CD2AP: variants seen among roughly 807,000 people sequenced by gnomAD.
CD2AP encodes CD2-associated protein.
CD2AP carries 46 observed loss-of-function variants against 85.1 expected under a neutral mutation model. That is an observed-to-expected ratio of 0.54 (90% CI 0.43 to 0.69). The LOEUF is 0.69. Ranked by LOEUF, CD2AP falls within the 30% of genes least tolerant of loss-of-function variation. The pLI is 0.00. For synonymous variants in CD2AP, 255 were observed against 252.9 expected (o/e 1.01, Z -0.08); for missense variants, 769 against 729.5 (o/e 1.05, Z -0.62).
At chr6:47,601,605 C>A (rs1025497037) in intron 13 of CD2AP, among the ~76,000 whole-genome samples, 1 of 151,958 alleles carries the variant, frequency 6.6e-6, no homozygotes, top group Non-Finnish European at 1.5e-5. Context: ...AGCATTAATT[C>A]AGAGATTCCT....
At chr6:47,504,486 A>C (rs1166910654) in intron 2 of CD2AP, among the ~76,000 whole-genome samples, 4 of 152,244 alleles carry the variant, frequency 2.6e-5, no homozygotes, top group African/African-American at 9.6e-5. Context: ...CTGTTATATA[A>C]AATGGCATAG....
chr6:47,582,034 G>T lies in CD2AP; in HGVS notation c.1077G>T (p.Lys359Asn). The change falls in exon 11 of 18, where the codon AAG becomes AAT. Residue 359 changes from lysine (K) to asparagine (N), a missense_variant. Physicochemically the swap from Lys to Asn is moderately conservative, Grantham distance 94. Coordinates refer to ENST00000359314, the MANE Select transcript of CD2AP (RefSeq NM_012120.3). ...APKPELIAAEKKYFSLKPEEK... is the reference protein window; with the variant it reads ...APKPELIAAENKYFSLKPEEK... ...AGCCTGAACTGATAGCTGCAGAGAA[G>T]AAATATTTTTCTTTAAAGCCTGAAG... is the stretch of plus-strand genomic sequence containing the variant. 6.2e-7 allele frequency: 1 copy of T among 1,608,608 alleles called. No homozygotes were observed. The highest frequency in any genetic ancestry group is 8.5e-7 in the Non-Finnish European group (1 of 1,175,252).
At chr6:47,612,751 A>G (rs1769482591) in intron 17 of CD2AP, among the ~76,000 whole-genome samples, 1 of 152,190 alleles carries the variant, frequency 6.6e-6, no homozygotes, top group Non-Finnish European at 1.5e-5. Context: ...TAAGCCAGGC[A>G]CAGAAAGAGA....
chr6:47,560,563 G>C (rs940203367), intron 5 of CD2AP, among the ~76,000 whole-genome samples: 18 of 151,838 alleles, frequency 1.2e-4, no homozygotes, highest in African/African-American at 4.4e-4. Context: ...TTGTTTGTTT[G>C]TTTGTCTTTT....
At chr6:47,623,726 CCAAGT>C (rs1376262920) in intron 17 of CD2AP, among the ~76,000 whole-genome samples, 4 of 151,954 alleles carry the variant, frequency 2.6e-5, no homozygotes, top group Non-Finnish European at 5.9e-5. Context: ...TAAATTGAAA[CCAAGT>C]CAAGTGATTT....
intron 17 of CD2AP, among the ~76,000 whole-genome samples, chr6:47,615,106 C>T (rs1466281863): frequency 6.6e-6 from 1 of 151,960 alleles, no homozygotes; most frequent in Non-Finnish European, 1.5e-5. Flanking sequence ...GATTACTTAC[C>T]CTATTTCTTT....
At position 47,553,513 on chromosome 6, in the gene CD2AP, ATTTTTTTTTT is replaced by A. The variant is rs148273065; in HGVS notation, c.421-1118_421-1109del. ...AGGTGTGCACCACCACACCTAGTGAATTTTTTTTTTTTTTTTTTTTTTTTGTATTTTTAGT... is the reference window on the plus strand; with the variant it reads ...AGGTGTGCACCACCACACCTAGTGAATTTTTTTTTTTTTTGTATTTTTAGT... On this transcript the variant is annotated intron_variant, in intron 4 of 17. Coordinates refer to ENST00000359314, the MANE Select transcript of CD2AP (RefSeq NM_012120.3). 5.2e-3 allele frequency among the ~76,000 whole-genome samples: 571 copies of A among 110,536 alleles called. 2 individuals carry two copies. The highest frequency in any genetic ancestry group is 0.019 in the African/African-American group (519 of 27,524). 72.5% of individuals were successfully genotyped at this position (110,536 alleles called of 152,430 possible).
Position 47,477,977 on chromosome 6 carries a change from G to C in CD2AP, c.-268G>C. 1 of 561,604 alleles carries C rather than the reference G, an allele frequency of 1.8e-6. No individual in the cohort carries two copies. The highest frequency in any genetic ancestry group is 3.2e-6 in the Non-Finnish European group (1 of 316,500). The allele number at this position is 561,604 out of a possible 1,614,324, so 34.8% of individuals were successfully genotyped here. On this transcript the variant is annotated 5_prime_UTR_variant, in exon 1 of 18. Coordinates refer to ENST00000359314, the MANE Select transcript of CD2AP (RefSeq NM_012120.3). ...GGGAAAACCGCGGTCGGGCGGGCGGGGTAGGGCCCTCCCGCCGCCGTGGCT... is the reference window on the plus strand; with the variant it reads ...GGGAAAACCGCGGTCGGGCGGGCGGCGTAGGGCCCTCCCGCCGCCGTGGCT...
At chr6:47,602,981 G>A (rs1769181787) in intron 13 of CD2AP, among the ~76,000 whole-genome samples, 1 of 151,840 alleles carries the variant, frequency 6.6e-6, no homozygotes, top group African/African-American at 2.4e-5. Flanking sequence ...AAACACATTT[G>A]TTTTTCTTCA....
chr6:47,584,011 T>C lies in CD2AP; in HGVS notation c.1108+1946T>C, dbSNP rs567015282. 6.6e-5 allele frequency among the ~76,000 whole-genome samples: 10 copies of C among 152,380 alleles called. No homozygotes were observed. In the South Asian group the frequency reaches 1.0e-3, roughly 16 times the overall value. ...TTTCAGTTGCAATTCCGTAATGATA[T>C]ATGATGTTGAATATCTTCTCATATG... is the stretch of plus-strand genomic sequence containing the variant. On this transcript the variant is annotated intron_variant, in intron 11 of 17. Coordinates refer to ENST00000359314, the MANE Select transcript of CD2AP (RefSeq NM_012120.3).
At chr6:47,597,232 C>A (rs1768977184) in intron 12 of CD2AP, among the ~76,000 whole-genome samples, 1 of 150,762 alleles carries the variant, frequency 6.6e-6, no homozygotes, top group South Asian at 2.1e-4. Context: ...TGCTGCTAGG[C>A]ATCATGGAGA....
At chr6:47,600,984 C>G (rs887233306) in intron 13 of CD2AP, among the ~76,000 whole-genome samples, 3 of 151,774 alleles carry the variant, frequency 2.0e-5, no homozygotes, top group Admixed American at 2.0e-4. Context: ...ATCTGGAATC[C>G]ACATCTTGCT....
At chr6:47,541,469 A>G (rs528857291) in intron 3 of CD2AP, among the ~76,000 whole-genome samples, 2 of 152,308 alleles carry the variant, frequency 1.3e-5, no homozygotes, top group Admixed American at 6.5e-5. Flanking sequence ...TACAATAAAA[A>G]ATCAGATACA....
At chr6:47,587,282 C>T (rs1382277221) in intron 11 of CD2AP, among the ~76,000 whole-genome samples, 1 of 152,034 alleles carries the variant, frequency 6.6e-6, no homozygotes, top group Non-Finnish European at 1.5e-5. Context: ...AGGTATCCTT[C>T]GAAAAGCTCT....
intron 14 of CD2AP, among the ~76,000 whole-genome samples, 162 bp downstream of exon 14, chr6:47,606,439 G>A (rs529169411): frequency 6.6e-6 from 1 of 152,158 alleles, no homozygotes; most frequent in East Asian, 1.9e-4. Flanking sequence ...GGAGAGAGGT[G>A]TGTTCATTCC....
chr6:47,534,704 T>C (rs1389650673), intron 3 of CD2AP, among the ~76,000 whole-genome samples: 1 of 152,038 alleles, frequency 6.6e-6, no homozygotes, highest in African/African-American at 2.4e-5. Context: ...ATTTAAAAAG[T>C]GTAAAATATT....
intron 3 of CD2AP, among the ~76,000 whole-genome samples, chr6:47,537,019 C>T (rs149222793): frequency 6.6e-6 from 1 of 152,124 alleles, no homozygotes; most frequent in African/African-American, 2.4e-5. Context: ...GTAGTGGAAA[C>T]TCACGCTACA....
intron 1 of CD2AP, among the ~76,000 whole-genome samples, chr6:47,478,947 T>C (rs1190367705): frequency 1.3e-5 from 2 of 152,312 alleles, no homozygotes; most frequent in East Asian, 3.9e-4. Context: ...AGGCCTTATA[T>C]GTTATTTACT....
At chr6:47,531,165 A>C (rs1195269204) in intron 2 of CD2AP, among the ~76,000 whole-genome samples, 2 of 152,000 alleles carry the variant, frequency 1.3e-5, no homozygotes, top group African/African-American at 4.8e-5. Flanking sequence ...AAGAATTCTC[A>C]TTTTCAATTG....
Sources: gnomAD v4.1 joint callset for allele counts (sites outside exome capture counted in the v4.1 genomes callset) on GRCh38, gnomAD v4.1.1 for gene constraint, MANE v1.5 for transcripts, NCBI Gene and HGNC (gene_info 2026-07-23, HGNC 2026-07-21) for gene names.